NARS2: variants seen among roughly 807,000 people sequenced by gnomAD.
The protein encoded by NARS2 is asparaginyl-tRNA synthetase.
In NARS2, 60 loss-of-function variants were observed where a neutral mutation model predicts 62.9. The ratio of observed to expected loss-of-function variants is 0.95; its 90% CI spans 0.77 to 1.18. The LOEUF is 1.18. Ranked by LOEUF, NARS2 falls within the 50% of genes most tolerant of loss-of-function variation. NARS2 has a pLI of 0.00. For synonymous variants in NARS2, 196 were observed against 200.0 expected (o/e 0.98, Z 0.17); for missense variants, 619 against 576.4 (o/e 1.07, Z -0.76).
At chr11:78,558,919 G>C (rs537742803) in intron 5 of NARS2, among the ~76,000 whole-genome samples, 1 of 152,114 alleles carries the variant, frequency 6.6e-6, no homozygotes, top group Non-Finnish European at 1.5e-5. Context: ...ATCTGCGTAA[G>C]AGAGAGCTTA....
intron 2 of NARS2, among the ~76,000 whole-genome samples, chr11:78,570,645 T>C (rs1005797248): frequency 2.0e-5 from 3 of 152,214 alleles, no homozygotes; most frequent in African/African-American, 7.2e-5. Flanking sequence ...CCTCCCAAAG[T>C]GCTAGGACTA....
Position 78,443,641 on chromosome 11 carries a change from C to T in NARS2, c.1262+20G>A. ...TATGCTCAATTTCTCAATTGTGTTTCTTTTAGGTCTGACCAGTACCTGGCT... is the reference window on the plus strand; with the variant it reads ...TATGCTCAATTTCTCAATTGTGTTTTTTTTAGGTCTGACCAGTACCTGGCT... On this transcript the variant is annotated intron_variant, in intron 12 of 13. Coordinates refer to ENST00000281038, the MANE Select transcript of NARS2 (RefSeq NM_024678.6). The T allele has an allele frequency of 6.4e-7, 1 of 1,570,790 alleles. No homozygotes were observed. The highest frequency in any genetic ancestry group is 8.8e-7 in the Non-Finnish European group (1 of 1,141,764).
At chr11:78,468,310 G>GAAAGAAAAAA (rs1858712382) in intron 10 of NARS2, among the ~76,000 whole-genome samples, 1 of 67,436 alleles carries the variant, frequency 1.5e-5, no homozygotes, top group African/African-American at 5.9e-5. Context: ...CACTAAATCT[G>GAAAGAAAAAA]AAAAAAAAAA....
At chr11:78,442,765 C>T (rs1317274960) in intron 12 of NARS2, among the ~76,000 whole-genome samples, 2 of 152,040 alleles carry the variant, frequency 1.3e-5, no homozygotes, top group Admixed American at 6.5e-5. Flanking sequence ...CCTTACTTCC[C>T]ATCTCCAAAA....
chr11:78,502,429 G>C (rs1860315123), intron 6 of NARS2, among the ~76,000 whole-genome samples: 1 of 152,170 alleles, frequency 6.6e-6, no homozygotes, highest in Non-Finnish European at 1.5e-5. Context: ...AGTCATACTG[G>C]ATTATGGTTC....
intron 11 of NARS2, among the ~76,000 whole-genome samples, chr11:78,458,293 T>C (rs1035809501): frequency 1.3e-5 from 2 of 152,200 alleles, no homozygotes; most frequent in Non-Finnish European, 2.9e-5. Context: ...TATTAAAATT[T>C]AGAAAGTAGG....
chr11:78,480,104 T>C (rs534815150), intron 7 of NARS2, among the ~76,000 whole-genome samples: 3 of 152,156 alleles, frequency 2.0e-5, no homozygotes, highest in South Asian at 4.2e-4. Flanking sequence ...CTCGCTATAT[T>C]GCCCAGACTG....
intron 2 of NARS2, among the ~76,000 whole-genome samples, 153 bp from the exon 3 acceptor site, chr11:78,568,905 G>C (rs1590877302): frequency 6.6e-6 from 1 of 152,174 alleles, no homozygotes; most frequent in Middle Eastern, 3.4e-3. Flanking sequence ...ATAATCTGTC[G>C]TATAAATAGA....
Position 78,539,679 on chromosome 11 carries a change from G to C in NARS2, c.595-10743C>G, listed in dbSNP as rs919266548. 1.2e-4 allele frequency among the ~76,000 whole-genome samples: 18 copies of C among 152,302 alleles called. No individual in the cohort carries two copies. In the East Asian group the frequency reaches 3.1e-3, roughly 26 times the overall value. ...GGAAGTGAATAAAATCGCCAGGGGA[G>C]AGATTACAGATTAGTGCTTCTCATT... On this transcript the variant is annotated intron_variant, in intron 5 of 13. Transcript: ENST00000281038.
In NARS2 at chr11:78,566,253, T is replaced by G. The variant is rs377052090; in HGVS notation, c.392A>C (p.Lys131Thr). The G allele has an allele frequency of 1.9e-6, 3 of 1,592,760 alleles. No homozygotes were observed. Among genetic ancestry groups the G allele is most frequent in the Non-Finnish European group, 2.6e-6 (3 of 1,169,524 alleles). The change falls in exon 4 of 14, where the codon AAA becomes ACA. Residue 131 changes from lysine to threonine, a missense_variant. Coordinates refer to ENST00000281038, the MANE Select transcript of NARS2 (RefSeq NM_024678.6). ...CDAKDFPIKYKERHPLEYLRQ... is the reference protein window; with the variant it reads ...CDAKDFPIKYTERHPLEYLRQ... The stretch of plus-strand genomic sequence containing the variant: ...CAGATACTCCAGAGGATGCCTCTCT[T>G]TATATTTGATGGGGAAATCCTGCCA...
chr11:78,504,056 T>C (rs957119247), intron 6 of NARS2, among the ~76,000 whole-genome samples: 3 of 152,228 alleles, frequency 2.0e-5, no homozygotes, highest in Admixed American at 6.5e-5. Flanking sequence ...GAAATACCAG[T>C]ATCATCAAAT....
chr11:78,531,495 T>TC (rs1861479017), intron 5 of NARS2, among the ~76,000 whole-genome samples: 1 of 152,124 alleles, frequency 6.6e-6, no homozygotes, highest in Non-Finnish European at 1.5e-5. Flanking sequence ...GCACAGTAAT[T>TC]CCATTCCTAG....
chr11:78,459,832 G>A (rs114270383), intron 11 of NARS2, among the ~76,000 whole-genome samples: 2,453 of 152,300 alleles, frequency 0.016, 56 homozygotes, highest in African/African-American at 0.056. Context: ...GCACATAGAT[G>A]TAAAATTACA....
chr11:78,544,856 T>C (rs1174118556), intron 5 of NARS2, among the ~76,000 whole-genome samples: 1 of 149,184 alleles, frequency 6.7e-6, no homozygotes, highest in East Asian at 2.0e-4. Context: ...GGTGGGCACC[T>C]GTAATCCCAG....
chr11:78,554,296 G>C (rs1856248078), intron 5 of NARS2, among the ~76,000 whole-genome samples: 1 of 152,120 alleles, frequency 6.6e-6, no homozygotes, highest in Non-Finnish European at 1.5e-5. Context: ...GTTCTGTGAG[G>C]AATGTTGTTG....
At chr11:78,520,450 C>G (rs1861072981) in intron 6 of NARS2, among the ~76,000 whole-genome samples, 1 of 152,154 alleles carries the variant, frequency 6.6e-6, no homozygotes, top group South Asian at 2.1e-4. Context: ...ACACCCTAAT[C>G]CAGTATGACA....
chr11:78,444,632 T>C (rs1330147175), intron 11 of NARS2, among the ~76,000 whole-genome samples: 4 of 150,860 alleles, frequency 2.7e-5, no homozygotes, highest in Admixed American at 6.6e-5. Context: ...GGCAGGAGAA[T>C]TGCTTAAACC....
At chr11:78,470,932 C>T (rs1469546008) in intron 9 of NARS2, among the ~76,000 whole-genome samples, 1 of 143,542 alleles carries the variant, frequency 7.0e-6, no homozygotes, top group Non-Finnish European at 1.5e-5. Context: ...TCCTGAAAGA[C>T]CTTGAGCTCA....
At chr11:78,437,035 C>CA (rs1857431577) in intron 13 of NARS2, among the ~76,000 whole-genome samples, 1 of 152,218 alleles carries the variant, frequency 6.6e-6, no homozygotes, top group Non-Finnish European at 1.5e-5. Flanking sequence ...GTCATACAGT[C>CA]ATGGGCTTTG....
Sources: gnomAD v4.1 joint callset for allele counts (sites outside exome capture counted in the v4.1 genomes callset) on GRCh38, gnomAD v4.1.1 for gene constraint, MANE v1.5 for transcripts, NCBI Gene and HGNC (gene_info 2026-07-23, HGNC 2026-07-21) for gene names.